The following GK variants were observed in gnomAD, a reference collection of about 807,000 sequenced individuals.
GK encodes glycerol kinase, also known as ATP:glycerol 3-phosphotransferase.
GK carries 9 observed loss-of-function variants against 56.4 expected under a neutral mutation model. The ratio of observed to expected loss-of-function variants is 0.16; its 90% CI spans 0.10 to 0.28. GK has a LOEUF of 0.28. GK is among the 10% of genes least tolerant of loss of function. GK has a pLI of 1.00. For missense variants in GK, 161 were observed against 431.4 expected, an observed-to-expected ratio of 0.37 and a Z score of 5.55; for synonymous variants, 104 against 144.1, an observed-to-expected ratio of 0.72 and a Z score of 1.99.
chrX:30,720,956 G>C lies in GK; in HGVS notation c.1462G>C (p.Val488Leu). 1 of 1,210,553 alleles carries C rather than the reference G, an allele frequency of 8.3e-7. No homozygotes were observed. Among genetic ancestry groups the C allele is most frequent in the Non-Finnish European group, 1.1e-6 (1 of 894,336 alleles). ...TCTCGAACCCGAGGATTTGTCTGCC[G>C]TCACGATGGAGCGGTTTGAACCTCA... Reference protein sequence around the residue: ...WSLEPEDLSAVTMERFEPQIN... With the variant: ...WSLEPEDLSALTMERFEPQIN... The change falls in exon 18 of 21, where the codon GTC becomes CTC. Residue 488 changes from valine (V) to leucine (L), a missense_variant. Val to Leu is a conservative substitution (Grantham distance 32). Coordinates refer to ENST00000427190, the MANE Select transcript of GK (RefSeq NM_001205019.2).
At chrX:30,682,543 G>A (rs1285326673) in intron 4 of GK, among the ~76,000 whole-genome samples, 1 of 112,083 alleles carries the variant, frequency 8.9e-6, no homozygotes, top group Admixed American at 9.5e-5. Flanking sequence ...ACTCTAAAGT[G>A]TCATATCTCC....
chrX:30,681,797 T>G (rs1934290358), intron 4 of GK, among the ~76,000 whole-genome samples: 1 of 111,840 alleles, frequency 8.9e-6, no homozygotes, highest in Admixed American at 9.5e-5. Context: ...ATGAAACCTT[T>G]AAAGTACTCA....
intron 1 of GK, among the ~76,000 whole-genome samples, chrX:30,662,246 T>C (rs1279127888): frequency 8.9e-6 from 1 of 112,839 alleles, no homozygotes; most frequent in East Asian, 2.7e-4. Context: ...TTGGCTTAAA[T>C]GTGTTATTAA....
At chrX:30,702,929 G>A (rs935621277) in intron 11 of GK, among the ~76,000 whole-genome samples, 4 of 111,786 alleles carry the variant, frequency 3.6e-5, no homozygotes, top group African/African-American at 9.8e-5. Context: ...ATTCTTTGCA[G>A]GTCATGGTAA....
intron 1 of GK, among the ~76,000 whole-genome samples, chrX:30,661,222 T>A (rs1431100174): frequency 8.9e-6 from 1 of 111,808 alleles, no homozygotes; most frequent in Non-Finnish European, 1.9e-5. Flanking sequence ...AAACAAAATT[T>A]GCAATCTCCT....
chrX:30,701,049 AT>A lies in GK; in HGVS notation c.851+151del, dbSNP rs1935627138. 5 of 477,855 alleles carry A rather than the reference AT, an allele frequency of 1.0e-5. No individual in the cohort carries two copies. In the East Asian group the frequency reaches 1.1e-4, roughly 11 times the overall value. The allele number at this position is 477,855 out of a possible 1,213,427, so 39.4% of individuals were successfully genotyped here. ...AATATGCATATATACACTTTTTACC[AT>A]TTTTTTATATCTTTAAATAAAATAC... On this transcript the variant is annotated intron_variant, in intron 11 of 20. Coordinates refer to ENST00000427190, the MANE Select transcript of GK (RefSeq NM_001205019.2).
chrX:30,696,311 A>G (rs914643991), intron 7 of GK, among the ~76,000 whole-genome samples, 160 bp downstream of exon 7: 2 of 111,900 alleles, frequency 1.8e-5, no homozygotes, highest in African/African-American at 6.6e-5. Context: ...AAGAGAGACT[A>G]TTATTGCATT....
rs186096192 is a variant in GK, at chrX:30,670,568, C to T, written c.259+2450C>T. Among the ~76,000 whole-genome samples, 156 of 109,372 alleles carry T rather than the reference C, an allele frequency of 1.4e-3. 2 individuals are homozygous for T. Among genetic ancestry groups the T allele is most frequent in the African/African-American group, 5.0e-3 (151 of 30,374 alleles). 95.0% of individuals were successfully genotyped at this position (109,372 alleles called of 115,157 possible). On this transcript the variant is annotated intron_variant, in intron 3 of 20. Coordinates refer to ENST00000427190, the MANE Select transcript of GK (RefSeq NM_001205019.2). ...TCTGGCCACAGAAGAGAACATCCCA[C>T]AAGCTCCTCCATACCAGGCCAGTTG...
At chrX:30,717,291 CTT>C (rs375427534) in intron 13 of GK, among the ~76,000 whole-genome samples, 1 of 102,331 alleles carries the variant, frequency 9.8e-6, no homozygotes. Flanking sequence ...GCTGATACTT[CTT>C]TTTTTTTTTG....
intron 4 of GK, among the ~76,000 whole-genome samples, chrX:30,683,397 A>C (rs1353766763): frequency 9.0e-6 from 1 of 110,784 alleles, no homozygotes; most frequent in Non-Finnish European, 1.9e-5. Flanking sequence ...TGAGAGGAGC[A>C]CATTATGTTT....
At chrX:30,719,063 C>T (rs746641098) in intron 14 of GK, among the ~76,000 whole-genome samples, 1 of 111,254 alleles carries the variant, frequency 9.0e-6, no homozygotes, top group East Asian at 2.8e-4. Context: ...CTTAACTTTG[C>T]CTGAAGGTGA....
intron 19 of GK, among the ~76,000 whole-genome samples, chrX:30,726,021 TCTC>T (rs927789178): frequency 1.2e-4 from 13 of 110,680 alleles, no homozygotes; most frequent in Non-Finnish European, 1.9e-4. Context: ...GATACACAGT[TCTC>T]CTCACTAGCG....
chrX:30,677,308 GT>G lies in GK; in HGVS notation c.260-63del. 3 of 604,656 alleles carry G rather than the reference GT, an allele frequency of 5.0e-6. No homozygotes were observed. In the Admixed American group the frequency reaches 6.7e-5, roughly 13 times the overall value. 49.8% of individuals were successfully genotyped at this position (604,656 alleles called of 1,213,427 possible). A position where few individuals can be genotyped will look rare whatever the true frequency, so the allele number is the denominator to read the frequency against. ...TTGTGTCTCTAGTAAGATGAGAGCT[GT>G]TTTCCTGAAGTAGTTTCCTACTTGT... On this transcript the variant is annotated intron_variant, in intron 3 of 20. Transcript: ENST00000427190.
In GK at chrX:30,729,918, G is replaced by GA. The variant is rs1310214201; in HGVS notation, c.*1183dup. ...GTCAAAAAAGTTAAATACCTAAGTA[G>GA]AAAAAAATATAGAAATAAAGCCAAG... On this transcript the variant is annotated 3_prime_UTR_variant, in exon 21 of 21. Coordinates refer to ENST00000427190, the MANE Select transcript of GK (RefSeq NM_001205019.2). The GA allele has an allele frequency of 2.7e-5, 3 of 111,572 alleles. No homozygotes were observed. The highest frequency in any genetic ancestry group is 2.8e-4 in the East Asian group (1 of 3,579). 9.2% of individuals were successfully genotyped at this position (111,572 alleles called of 1,213,427 possible). A position where few individuals can be genotyped will look rare whatever the true frequency, so the allele number is the denominator to read the frequency against.
At chrX:30,701,518 G>A (rs1406227000) in intron 11 of GK, among the ~76,000 whole-genome samples, 1 of 112,130 alleles carries the variant, frequency 8.9e-6, no homozygotes, top group Non-Finnish European at 1.9e-5. Flanking sequence ...GAGATTGGTG[G>A]GGTGGTGAGA....
chrX:30,675,171 C>G (rs764930123), intron 3 of GK, among the ~76,000 whole-genome samples: 2 of 109,475 alleles, frequency 1.8e-5, no homozygotes, highest in Admixed American at 9.8e-5. Flanking sequence ...TGACTAAGAT[C>G]GGGAGGTGGA....
intron 1 of GK, among the ~76,000 whole-genome samples, chrX:30,660,879 C>G (rs1350617572): frequency 1.0e-5 from 1 of 97,190 alleles, no homozygotes; most frequent in African/African-American, 3.9e-5. Context: ...GTGGCGTGAT[C>G]TCGGCTCACT....
At position 30,687,978 on chromosome X, in the gene GK, C is replaced by T. The variant is rs142734873; in HGVS notation, c.338-3145C>T. Among the ~76,000 whole-genome samples the T allele has an allele frequency of 9.8e-3, 1,102 of 112,043 alleles. 12 individuals are homozygous for T. The highest frequency in any genetic ancestry group is 0.034 in the African/African-American group (1,045 of 30,867). On this transcript the variant is annotated intron_variant, in intron 4 of 20. Coordinates refer to ENST00000427190, the MANE Select transcript of GK (RefSeq NM_001205019.2). ...CTGCCTTAATGTCTGTCTATAAAAA[C>T]ACAGTAATTATTATGACAGGTTTCT...
chrX:30,653,576 G>A lies in GK; in HGVS notation c.39G>A (p.Val13=), dbSNP rs778620335. ...AGAAGGCAGTTTTGGGGCCATTGGT[G>A]GGGGCGGTGGACCAGGGCACCAGTT... ...ASKKAVLGPL[V]GAVDQGTSST... The change falls in exon 1 of 21, where the codon GTG becomes GTA. Residue 13 remains valine (V), a synonymous_variant. Coordinates refer to ENST00000427190, the MANE Select transcript of GK (RefSeq NM_001205019.2). The A allele has an allele frequency of 2.5e-6, 3 of 1,209,762 alleles. No homozygotes were observed. In the African/African-American group the frequency reaches 5.2e-5, roughly 21 times the overall value.
Sources: allele counts gnomAD v4.1 joint callset (sites outside exome capture counted in the v4.1 genomes callset), GRCh38; gene constraint gnomAD v4.1.1; transcripts MANE v1.5; gene names NCBI Gene and HGNC (gene_info 2026-07-23, HGNC 2026-07-21).